SLC22A12: variants seen among roughly 807,000 people sequenced by gnomAD.
SLC22A12 encodes the protein solute carrier family 22 member 12, also known as organic anion transporter 4-like protein.
A neutral mutation model predicts 52.7 loss-of-function variants in SLC22A12; 56 were observed. The observed-to-expected ratio is 1.06, with a 90% CI of 0.86 to 1.33. The LOEUF (loss-of-function observed/expected upper bound fraction) is 1.33. Ranked by LOEUF, SLC22A12 falls within the 40% of genes most tolerant of loss-of-function variation. The pLI is 0.00. For missense variants in SLC22A12, 683 were observed against 741.5 expected, an observed-to-expected ratio of 0.92 and a Z score of 0.92; for synonymous variants, 337 against 324.6, an observed-to-expected ratio of 1.04 and a Z score of -0.41.
intron 4 of SLC22A12, among the ~76,000 whole-genome samples, chr11:64,594,128 G>A (rs1294479275): frequency 6.6e-6 from 1 of 152,230 alleles, no homozygotes; most frequent in African/African-American, 2.4e-5. Flanking sequence ...TATGCTGCCA[G>A]GCCCATCTTC....
chr11:64,598,810 C>T lies in SLC22A12; in HGVS notation c.957C>T (p.Val319=). The stretch of plus-strand genomic sequence containing the variant: ...AGCACCCACCCCCGCCTCCACAGGT[C>T]TTGCTTTCAGCCATGCGGGAGGAGC... ...GAVQDTLTPE[V]LLSAMREELS... The change falls in exon 6 of 10, where the codon GTC becomes GTT. Residue 319 remains valine, a splice_region_variant and synonymous_variant. Coordinates refer to ENST00000377574, the MANE Select transcript of SLC22A12 (RefSeq NM_144585.4). The T allele has an allele frequency of 6.2e-7, 1 of 1,612,600 alleles. No homozygotes were observed. The highest frequency in any genetic ancestry group is 8.5e-7 in the Non-Finnish European group (1 of 1,179,984).
rs573968273 is a variant in SLC22A12 at position 64,598,603 on chromosome 11, C to T, written c.918C>T (p.Asn306=). ...LQELWRVAAI[N]GKGAVQDTLT... ...AGCTGTGGAGGGTGGCTGCCATCAA[C>T]GGAAAGGGGGCAGTGCAGGACACCC... The change falls in exon 5 of 10, where the codon AAC becomes AAT. Residue 306 remains asparagine, a synonymous_variant. Coordinates refer to ENST00000377574, the MANE Select transcript of SLC22A12 (RefSeq NM_144585.4). 137 of 1,610,910 alleles carry T rather than the reference C, an allele frequency of 8.5e-5. No individual in the cohort carries two copies. The highest frequency in any genetic ancestry group is 1.0e-4 in the Non-Finnish European group (121 of 1,179,222).
At position 64,601,090 on chromosome 11, in the gene SLC22A12, G is replaced by A. The variant is rs182636416; in HGVS notation, c.1598+152G>A. The A allele has an allele frequency of 7.7e-4, 814 of 1,063,318 alleles. 11 individuals carry two copies. The East Asian group carries it at 0.021, about 27-fold the overall frequency. 65.9% of individuals were successfully genotyped at this position (1,063,318 alleles called of 1,614,324 possible). Reference sequence around the variant, plus strand: ...CCAGAGTCACACAGTACATCTCTGGGAGAGTGGCAACCCAGGGCTCAGTCT... The same window carrying A: ...CCAGAGTCACACAGTACATCTCTGGAAGAGTGGCAACCCAGGGCTCAGTCT... On this transcript the variant is annotated intron_variant, in intron 9 of 9. Coordinates refer to ENST00000377574, the MANE Select transcript of SLC22A12 (RefSeq NM_144585.4).
rs572933684 is a variant in SLC22A12, at chr11:64,600,421, C to T, written c.1340C>T (p.Ala447Val). 130 of 1,607,690 alleles carry T rather than the reference C, an allele frequency of 8.1e-5. No homozygotes were observed. The highest frequency in any genetic ancestry group is 9.8e-5 in the Non-Finnish European group (116 of 1,179,218). ...GTGCTGGGGCTGGGCGGGGTGGGGG[C>T]TGCCTTCACCTGCATCACCATCTAC... ...LAVLGLGGVGAAFTCITIYSS... is the reference protein window; with the variant it reads ...LAVLGLGGVGVAFTCITIYSS... Residue 447 changes from alanine (A) to valine (V), a missense_variant, in exon 8 of 10, where the codon GCT becomes GTT. Ala to Val is a moderately conservative substitution (Grantham distance 64). Transcript: ENST00000377574.
At chr11:64,599,192 C>T (rs1297148198) in intron 6 of SLC22A12, among the ~76,000 whole-genome samples, 10 of 152,276 alleles carry the variant, frequency 6.6e-5, no homozygotes, top group East Asian at 3.9e-4. Context: ...CCAGGCATGA[C>T]GAAGGGGTGA....
In SLC22A12 at chr11:64,598,824, T is replaced by G. The variant is rs755277288; in HGVS notation, c.971T>G (p.Met324Arg). The G allele has an allele frequency of 6.2e-7, 1 of 1,612,514 alleles. No individual in the cohort carries two copies. The highest frequency in any genetic ancestry group is 8.5e-7 in the Non-Finnish European group (1 of 1,179,938). ...TLTPEVLLSA[M>R]REELSMGQPP... is the part of the protein sequence containing the mutation. ...CCTCCACAGGTCTTGCTTTCAGCCA[T>G]GCGGGAGGAGCTGAGCATGGGCCAG... Residue 324 changes from methionine (M) to arginine (R), a missense_variant, in exon 6 of 10, where the codon ATG becomes AGG. Physicochemically the swap from Met to Arg is moderately conservative, Grantham distance 91. Coordinates refer to ENST00000377574, the MANE Select transcript of SLC22A12 (RefSeq NM_144585.4).
chr11:64,599,312 C>T (rs774164876), intron 6 of SLC22A12, among the ~76,000 whole-genome samples: 7 of 152,052 alleles, frequency 4.6e-5, no homozygotes, highest in Non-Finnish European at 8.8e-5. Context: ...AGACCAAAAC[C>T]GCCAAGGCCA....
At chr11:64,595,092 A>ATGG (rs2039082778) in intron 4 of SLC22A12, among the ~76,000 whole-genome samples, 1 of 52,754 alleles carries the variant, frequency 1.9e-5, no homozygotes, top group Non-Finnish European at 4.6e-5. Context: ...GGATAGATGG[A>ATGG]AAGGATGGAT....
In SLC22A12 at chr11:64,591,921, A is replaced by G. The variant is rs1266121244; in HGVS notation, c.365A>G (p.Tyr122Cys). Residue 122 changes from tyrosine (Y) to cysteine (C), a missense_variant, in exon 1 of 10, where the codon TAT (tyrosine) becomes TGT (cysteine). Tyr to Cys is a radical substitution (Grantham distance 194). Coordinates refer to ENST00000377574, the MANE Select transcript of SLC22A12 (RefSeq NM_144585.4). The part of the protein sequence containing the change: ...DTEPCVDGWV[Y>C]DRSIFTSTIV... ...GAGCCGTGTGTGGATGGCTGGGTCT[A>G]TGACCGCAGCATCTTCACCTCCACA... is the stretch of plus-strand genomic sequence containing the variant. The G allele has an allele frequency of 6.2e-7, 1 of 1,612,302 alleles. No individual in the cohort carries two copies. Among genetic ancestry groups the G allele is most frequent in the African/African-American group, 1.3e-5 (1 of 75,030 alleles).
chr11:64,595,258 G>GA (rs1258546775), intron 4 of SLC22A12, among the ~76,000 whole-genome samples: 39 of 105,008 alleles, frequency 3.7e-4, no homozygotes, highest in African/African-American at 1.3e-3. Flanking sequence ...GGATGGAATG[G>GA]ATGGATGGAT....
chr11:64,592,048 G>C, intron 1 of SLC22A12, 90 bp downstream of exon 1: 1 of 1,541,160 alleles, frequency 6.5e-7, no homozygotes, highest in Non-Finnish European at 8.7e-7. Flanking sequence ...CCAGTCCTGG[G>C]AGGGACCCAC....
At chr11:64,595,978 T>C (rs1452368128) in intron 4 of SLC22A12, among the ~76,000 whole-genome samples, 2 of 112,112 alleles carry the variant, frequency 1.8e-5, no homozygotes, top group African/African-American at 3.4e-5. Context: ...AATGGATGGA[T>C]GGTTGGAATA....
intron 5 of SLC22A12, 33 bp from the exon 6 acceptor site, chr11:64,598,775 C>T: frequency 1.2e-6 from 2 of 1,611,644 alleles, no homozygotes; most frequent in Admixed American, 1.7e-5. Context: ...CTGGCGCCCC[C>T]AGTGCCAACA....
At position 64,598,915 on chromosome 11, in the gene SLC22A12, G is replaced by A. The variant is rs748405094; in HGVS notation, c.1062G>A (p.Thr354=). 13 of 1,612,772 alleles carry A rather than the reference G, an allele frequency of 8.1e-6. No individual in the cohort carries two copies. Among genetic ancestry groups the A allele is most frequent in the Admixed American group, 5.0e-5 (3 of 60,014 alleles). Residue 354 remains threonine, a synonymous_variant, in exon 6 of 10, where the codon ACG becomes ACA. Transcript: ENST00000377574. Reference sequence around the variant, plus strand: ...TGCGCTTCCGGACCTGTATCTCCACGTTGTGCTGGTAGATGCCCTTCCCCC... The same window carrying A: ...TGCGCTTCCGGACCTGTATCTCCACATTGTGCTGGTAGATGCCCTTCCCCC... ...PGLRFRTCIS[T]LCWFAFGFTF...
intron 7 of SLC22A12, 83 bp from the exon 8 acceptor site, chr11:64,600,284 G>A (rs2039409551): frequency 9.8e-6 from 11 of 1,118,518 alleles, no homozygotes; most frequent in African/African-American, 1.6e-5. Context: ...CTGAAAGTCA[G>A]GGACAAGCCC....
Position 64,593,501 on chromosome 11 carries a change from G to C in SLC22A12, c.603G>C (p.Leu201=), listed in dbSNP as rs886048452. ...AFAPAFPVYC[L]FRFLLAFAVA... ...CCCCTGCCTTCCCCGTGTACTGCCT[G>C]TTCCGCTTCCTGTTGGCCTTTGCCG... is the stretch of plus-strand genomic sequence containing the variant. The change falls in exon 3 of 10, where the codon CTG becomes CTC. Residue 201 remains leucine, a synonymous_variant. Transcript: ENST00000377574. 1 of 1,614,086 alleles carries C rather than the reference G, an allele frequency of 6.2e-7. No homozygotes were observed. The highest frequency in any genetic ancestry group is 2.2e-5 in the East Asian group (1 of 44,904).
At chr11:64,595,250 A>ATGTT (rs2039106545) in intron 4 of SLC22A12, among the ~76,000 whole-genome samples, 1 of 81,356 alleles carries the variant, frequency 1.2e-5, no homozygotes, top group South Asian at 4.9e-4. Flanking sequence ...GGATGGATGG[A>ATGTT]TGGAATGGAT....
rs1565132840 is a variant in SLC22A12, at chr11:64,591,914, TG to T, written c.361del (p.Val121SerfsTer24). Reference sequence around the variant, plus strand: ...CGACACGGAGCCGTGTGTGGATGGCTGGGTCTATGACCGCAGCATCTTCACC... The same window carrying T: ...CGACACGGAGCCGTGTGTGGATGGCTGGTCTATGACCGCAGCATCTTCACC... Reference protein sequence around the residue: ...EADTEPCVDGWVYDRSIFTST... With the variant: ...EADTEPCVDGXVYDRSIFTST... On this transcript the variant is annotated frameshift_variant, in exon 1 of 10. Transcript: ENST00000377574. LOFTEE classifies it high-confidence loss of function. 6 of 1,612,490 alleles carry T rather than the reference TG, an allele frequency of 3.7e-6. No individual in the cohort carries two copies. Among genetic ancestry groups the T allele is most frequent in the Non-Finnish European group, 4.2e-6 (5 of 1,180,008 alleles).
rs1158801604 is a variant in SLC22A12 at position 64,594,723 on chromosome 11, GGACGGACA to G, written c.830+928_830+935del. ...TGGATGGATGGATGGATGGATGGAT[GGACGGACA>G]GACGGACGGACGGTTGGATGGATGG... On this transcript the variant is annotated intron_variant, in intron 4 of 9. Coordinates refer to ENST00000377574, the MANE Select transcript of SLC22A12 (RefSeq NM_144585.4). Among the ~76,000 whole-genome samples, 223 of 147,348 alleles carry G rather than the reference GGACGGACA, an allele frequency of 1.5e-3. 1 individual carries two copies. The highest frequency in any genetic ancestry group is 5.4e-3 in the African/African-American group (216 of 40,170).
Sources: gnomAD v4.1 joint callset for allele counts (sites outside exome capture counted in the v4.1 genomes callset) on GRCh38, gnomAD v4.1.1 for gene constraint, MANE v1.5 for transcripts, NCBI Gene and HGNC (gene_info 2026-07-23, HGNC 2026-07-21) for gene names.